The following ADGRL2 variants were observed in gnomAD, a reference collection of about 807,000 sequenced individuals.
ADGRL2 encodes adhesion G protein-coupled receptor L2.
A neutral mutation model predicts 157.4 loss-of-function variants in ADGRL2; 44 were observed. That is an observed-to-expected ratio of 0.28 (90% CI 0.22 to 0.36). The LOEUF is 0.36. Among genes scored for constraint, ADGRL2 ranks in the 10% least tolerant of loss-of-function variants. ADGRL2 has a pLI of 1.00. For missense variants in ADGRL2, 1,510 were observed against 1,768.9 expected (o/e 0.85, Z 2.63); for synonymous variants, 585 against 624.7 (o/e 0.94, Z 0.95).
chr1:81,888,592 C>T (rs1209556416), intron 2 of ADGRL2, among the ~76,000 whole-genome samples: 3 of 152,140 alleles, frequency 2.0e-5, no homozygotes, highest in Non-Finnish European at 2.9e-5. Context: ...GCGCCCGCCA[C>T]CGCGCCCGGC....
At chr1:81,728,295 C>G (rs989518059) in intron 1 of ADGRL2, among the ~76,000 whole-genome samples, 2 of 152,154 alleles carry the variant, frequency 1.3e-5, no homozygotes, top group African/African-American at 4.8e-5. Flanking sequence ...TTTGACTAAG[C>G]AAAATCCAGC....
intron 2 of ADGRL2, among the ~76,000 whole-genome samples, chr1:81,532,942 T>TTCTATCTATCTA (rs10554439): frequency 0.014 from 2,074 of 150,214 alleles, 21 homozygotes; most frequent in African/African-American, 0.029. Flanking sequence ...CAACAAAAAA[T>TTCTATCTATCTA]TCTATCTATC....
intron 3 of ADGRL2, among the ~76,000 whole-genome samples, chr1:81,595,411 G>T (rs149935464): frequency 5.6e-4 from 86 of 152,260 alleles, no homozygotes; most frequent in African/African-American, 1.9e-3. Flanking sequence ...GGGTATTTTT[G>T]CAGGACATAA....
rs148181887 is a variant in ADGRL2, at chr1:81,322,087, CAT to C, written c.-302+15600_-302+15601del. Among the ~76,000 whole-genome samples, 139 of 112,356 alleles carry C rather than the reference CAT, an allele frequency of 1.2e-3. 2 individuals carry two copies. The highest frequency in any genetic ancestry group is 3.6e-3 in the East Asian group (14 of 3,842). The allele number at this position is 112,356 out of a possible 152,430, so 73.7% of individuals were successfully genotyped here. A position where few individuals can be genotyped will look rare whatever the true frequency, so the allele number is the denominator to read the frequency against. Reference sequence around the variant, plus strand: ...CTTCCTTAAATGTACAGGACTAATTCATATATATATATATATATATATACACA... The same window carrying C: ...CTTCCTTAAATGTACAGGACTAATTCATATATATATATATATATATACACA... On this transcript the variant is annotated intron_variant, in intron 1 of 24. Transcript: ENST00000370721.
chr1:81,561,798 T>A (rs2080449315), intron 2 of ADGRL2, among the ~76,000 whole-genome samples: 1 of 152,060 alleles, frequency 6.6e-6, no homozygotes, highest in South Asian at 2.1e-4. Flanking sequence ...TGATATCACT[T>A]TGATTATAGG....
intron 1 of ADGRL2, among the ~76,000 whole-genome samples, chr1:81,314,448 C>A (rs1006932000): frequency 5.9e-5 from 9 of 152,114 alleles, no homozygotes; most frequent in African/African-American, 2.2e-4. Flanking sequence ...TAGTTTGTAC[C>A]CAGAGCAGGG....
At chr1:81,956,134 T>C (rs1653435157) in intron 11 of ADGRL2, 74 bp downstream of exon 11, 1 of 1,146,726 alleles carries the variant, frequency 8.7e-7, no homozygotes, top group African/African-American at 1.6e-5. Context: ...TTCCATTCTG[T>C]ATCTGTTATT....
At chr1:81,819,475 A>T (rs1224908251) in intron 1 of ADGRL2, among the ~76,000 whole-genome samples, 1 of 152,158 alleles carries the variant, frequency 6.6e-6, no homozygotes, top group Non-Finnish European at 1.5e-5. Context: ...TAAATGTGGT[A>T]TTTGTAAAAA....
chr1:81,767,987 ATAT>A (rs2086202734), intron 2 of ADGRL2, among the ~76,000 whole-genome samples: 1 of 152,128 alleles, frequency 6.6e-6, no homozygotes, highest in Admixed American at 6.5e-5. Context: ...ATAAAGATAA[ATAT>A]TATGATTTCT....
intron 2 of ADGRL2, among the ~76,000 whole-genome samples, chr1:81,457,546 A>G (rs2077832360): frequency 6.6e-6 from 1 of 152,160 alleles, no homozygotes; most frequent in Admixed American, 6.5e-5. Context: ...TTGATTATTG[A>G]CTAATAACCA....
In ADGRL2 at chr1:81,943,768, A is replaced by C. The variant is rs1447421970; in HGVS notation, c.1209A>C (p.Gln403His). The change falls in exon 6 of 24, where the codon CAA becomes CAC. Residue 403 changes from glutamine (Q) to histidine (H), a missense_variant and splice_region_variant. Gln to His is a conservative substitution (Grantham distance 24). Coordinates refer to ENST00000686636, the MANE Select transcript of ADGRL2 (RefSeq NM_001366006.2). The surrounding 1 kb of genome is among the most constrained non-coding windows in gnomAD (Gnocchi z 5.6). ...SLEFGPPDPA[Q>H]VPTTAVTITS... is the part of the protein sequence containing the mutation. The stretch of plus-strand genomic sequence containing the variant: ...AGTTTGGTCCACCTGATCCTGCCCA[A>C]GGTAAGCGTGTTTACTTGCTAATGC... 2 of 1,609,268 alleles carry C rather than the reference A, an allele frequency of 1.2e-6. No homozygotes were observed. Among genetic ancestry groups the C allele is most frequent in the African/African-American group, 2.7e-5 (2 of 74,796 alleles).
At chr1:81,508,050 T>G (rs912192418) in intron 2 of ADGRL2, among the ~76,000 whole-genome samples, 2 of 152,262 alleles carry the variant, frequency 1.3e-5, no homozygotes, top group Non-Finnish European at 2.9e-5. Context: ...AAGAAAACAT[T>G]TAATTTATTA....
At chr1:81,448,555 G>A (rs1037218213) in intron 2 of ADGRL2, among the ~76,000 whole-genome samples, 4 of 151,882 alleles carry the variant, frequency 2.6e-5, no homozygotes, top group African/African-American at 9.7e-5. Flanking sequence ...CAAGAATCAT[G>A]GCCAGGTGTG....
intron 1 of ADGRL2, among the ~76,000 whole-genome samples, chr1:81,742,048 T>C (rs1166323297): frequency 6.6e-6 from 1 of 151,982 alleles, no homozygotes; most frequent in South Asian, 2.1e-4. Flanking sequence ...GCATGTGCAT[T>C]TTTAAAAGGC....
intron 1 of ADGRL2, among the ~76,000 whole-genome samples, chr1:81,801,637 C>T (rs1462144510): frequency 2.0e-5 from 3 of 152,162 alleles, no homozygotes; most frequent in African/African-American, 7.2e-5. Context: ...CGCTCAGCCC[C>T]GGCCGGGAGA....
intron 2 of ADGRL2, among the ~76,000 whole-genome samples, chr1:81,485,493 A>G (rs1271228286): frequency 1.3e-5 from 2 of 152,192 alleles, no homozygotes; most frequent in Admixed American, 6.6e-5. Context: ...ACAGCAAAAT[A>G]TTTCTTTGTA....
chr1:81,942,094 G>A, intron 5 of ADGRL2, 49 bp downstream of exon 5: 1 of 704,734 alleles, frequency 1.4e-6, no homozygotes, highest in Non-Finnish European at 2.6e-6. Context: ...GTGCCTTATG[G>A]ATGTTAACCT....
At chr1:81,898,962 G>A (rs531020094) in intron 2 of ADGRL2, among the ~76,000 whole-genome samples, 11 of 152,192 alleles carry the variant, frequency 7.2e-5, no homozygotes, top group Non-Finnish European at 1.3e-4. Context: ...TCAGCACGGC[G>A]TAGAGTCACA....
intron 2 of ADGRL2, among the ~76,000 whole-genome samples, chr1:81,500,969 AT>A (rs1279655783): frequency 6.6e-6 from 1 of 152,222 alleles, no homozygotes; most frequent in East Asian, 1.9e-4. Flanking sequence ...AGAAACTTCA[AT>A]TCGAGTCAGA....
Sources: allele counts gnomAD v4.1 joint callset (sites outside exome capture counted in the v4.1 genomes callset), GRCh38; gene constraint gnomAD v4.1.1; non-coding constraint Gnocchi (gnomAD v3.1); transcripts MANE v1.5; gene names NCBI Gene and HGNC (gene_info 2026-07-23, HGNC 2026-07-21).